The following TMEM120B variants were observed in gnomAD, a reference collection of about 807,000 sequenced individuals.
TMEM120B encodes the protein transmembrane protein 120B.
TMEM120B carries 31 observed loss-of-function variants against 55.5 expected under a neutral mutation model. The ratio of observed to expected loss-of-function variants is 0.56; its 90% confidence interval spans 0.42 to 0.75. The LOEUF (loss-of-function observed/expected upper bound fraction) is 0.75, where lower values mean the gene tolerates loss of function less well. Among genes scored for constraint, TMEM120B ranks in the 30% least tolerant of loss-of-function variants. TMEM120B has a pLI of 0.00. For missense variants in TMEM120B, 399 were observed against 425.5 expected (o/e 0.94, Z 0.55); for synonymous variants, 203 against 176.3 (o/e 1.15, Z -1.20).
At chr12:121,756,469 T>G (rs1236915830) in intron 5 of TMEM120B, among the ~76,000 whole-genome samples, 1 of 152,190 alleles carries the variant, frequency 6.6e-6, no homozygotes, top group African/African-American at 2.4e-5. Context: ...TGACCAGTCC[T>G]AGCTGGTCTC....
At chr12:121,767,830 C>T (rs1474205346) in intron 6 of TMEM120B, among the ~76,000 whole-genome samples, 2 of 152,134 alleles carry the variant, frequency 1.3e-5, no homozygotes, top group African/African-American at 4.8e-5. Flanking sequence ...CTGGGCACGG[C>T]GAGCTGTGAA....
Position 121,779,668 on chromosome 12 carries a change from T to TG in TMEM120B, c.*3952dup, listed in dbSNP as rs1484525434. The TG allele has an allele frequency of 6.2e-7, 1 of 1,613,256 alleles. No homozygotes were observed. The highest frequency in any genetic ancestry group is 8.5e-7 in the Non-Finnish European group (1 of 1,179,696). On this transcript the variant is annotated 3_prime_UTR_variant, in exon 12 of 12. Transcript: ENST00000449592. ...TGTTCGCAGGCGCTCAGGCCCTGGG[T>TG]GGGGGGAGGAGCCAGCATTAGGTGA...
chr12:121,722,162 G>A (rs1169127898), intron 1 of TMEM120B, among the ~76,000 whole-genome samples: 3 of 124,230 alleles, frequency 2.4e-5, no homozygotes, highest in Non-Finnish European at 5.0e-5. Flanking sequence ...ACAGTGGCAC[G>A]ATCTCGGCTC....
At position 121,750,849 on chromosome 12, in the gene TMEM120B, C is replaced by T. The variant is rs115150732; in HGVS notation, c.365+410C>T. 4.3e-3 allele frequency among the ~76,000 whole-genome samples: 573 copies of T among 134,372 alleles called. 15 individuals carry two copies. The highest frequency in any genetic ancestry group is 0.016 in the African/African-American group (549 of 34,862). The allele number at this position is 134,372 out of a possible 152,430, so 88.2% of individuals were successfully genotyped here. A position where few individuals can be genotyped will look rare whatever the true frequency, so the allele number is the denominator to read the frequency against. On this transcript the variant is annotated intron_variant, in intron 4 of 11. Coordinates refer to ENST00000449592, the MANE Select transcript of TMEM120B (RefSeq NM_001080825.2). ...CAACACCACACACCACACTCCACAC[C>T]CCATACCCACACCCCACACCCACAC...
intron 2 of TMEM120B, among the ~76,000 whole-genome samples, chr12:121,746,042 G>T (rs763901292): frequency 6.7e-6 from 1 of 149,306 alleles, no homozygotes; most frequent in Non-Finnish European, 1.5e-5. Flanking sequence ...TATATTTTCA[G>T]TAGAGACAGG....
rs1044342551 is a variant in TMEM120B, at chr12:121,780,094, G to C, written c.*4372G>C. On this transcript the variant is annotated 3_prime_UTR_variant, in exon 12 of 12. Transcript: ENST00000449592. ...ATTTTTGAGATGGAGTTTTGCTCTT[G>C]TTACCCAGGCTGGAGTGCAATGGCG... 6.1e-6 allele frequency: 1 copy of C among 163,616 alleles called. No individual in the cohort carries two copies. Among genetic ancestry groups the C allele is most frequent in the African/African-American group, 2.4e-5 (1 of 41,736 alleles). 10.1% of individuals were successfully genotyped at this position (163,616 alleles called of 1,614,324 possible).
At chr12:121,772,068 T>TC (rs1325923237) in intron 8 of TMEM120B, among the ~76,000 whole-genome samples, 4 of 148,960 alleles carry the variant, frequency 2.7e-5, no homozygotes, top group African/African-American at 1.0e-4. Flanking sequence ...TCTTCCTTTC[T>TC]TTTTCTTTCT....
chr12:121,748,283 C>G (rs1363269924), intron 2 of TMEM120B, 43 bp from the exon 3 acceptor site: 5 of 1,523,984 alleles, frequency 3.3e-6, no homozygotes, highest in Middle Eastern at 1.9e-4. Flanking sequence ...CCTCCTCCCT[C>G]TGAGTGACGC....
chr12:121,764,060 C>T (rs971632699), intron 6 of TMEM120B, among the ~76,000 whole-genome samples: 2 of 151,620 alleles, frequency 1.3e-5, no homozygotes, highest in African/African-American at 2.4e-5. Flanking sequence ...TGGTGGCTCA[C>T]GCCTGTAATC....
intron 5 of TMEM120B, among the ~76,000 whole-genome samples, chr12:121,760,785 AT>A (rs1472590691): frequency 6.6e-6 from 1 of 152,032 alleles, no homozygotes; most frequent in Non-Finnish European, 1.5e-5. Context: ...GTCACCTGAC[AT>A]TCCTGGTTGG....
chr12:121,771,009 G>A (rs1307179954), intron 7 of TMEM120B, 37 bp downstream of exon 7: 8 of 1,608,404 alleles, frequency 5.0e-6, no homozygotes, highest in Non-Finnish European at 6.8e-6. Context: ...CAGCCTCCCA[G>A]GGAGTAGAGC....
At chr12:121,745,753 C>T (rs142015048) in intron 2 of TMEM120B, among the ~76,000 whole-genome samples, 1,620 of 151,178 alleles carry the variant, frequency 0.011, 23 homozygotes, top group African/African-American at 0.037. Flanking sequence ...GGCGCAATCA[C>T]GGCTCACCAC....
At chr12:121,737,085 T>C (rs1237906508) in intron 1 of TMEM120B, among the ~76,000 whole-genome samples, 1 of 152,192 alleles carries the variant, frequency 6.6e-6, no homozygotes. Context: ...TCAGAAGTTA[T>C]GTAGTGTCAA....
intron 1 of TMEM120B, among the ~76,000 whole-genome samples, chr12:121,734,491 C>G (rs1330590403): frequency 2.0e-5 from 3 of 152,068 alleles, no homozygotes; most frequent in Non-Finnish European, 4.4e-5. Context: ...CTCCCGACCT[C>G]AGATGATCCA....
intron 6 of TMEM120B, among the ~76,000 whole-genome samples, chr12:121,769,586 C>G (rs1283180463): frequency 2.0e-5 from 3 of 152,076 alleles, no homozygotes; most frequent in South Asian, 2.1e-4. Context: ...CGCCTGTGAT[C>G]CCAGCTACTC....
intron 1 of TMEM120B, among the ~76,000 whole-genome samples, chr12:121,713,994 G>C (rs1894648444): frequency 6.6e-6 from 1 of 152,140 alleles, no homozygotes; most frequent in African/African-American, 2.4e-5. Flanking sequence ...GGGGAGAGGA[G>C]GTTGCCAAGG....
intron 4 of TMEM120B, 56 bp downstream of exon 4, chr12:121,750,495 C>G: frequency 7.1e-7 from 1 of 1,414,380 alleles, no homozygotes; most frequent in Non-Finnish European, 9.9e-7. Flanking sequence ...CCCACACCCA[C>G]ACCCACACCC....
intron 4 of TMEM120B, among the ~76,000 whole-genome samples, chr12:121,751,612 G>A (rs1873330515): frequency 1.3e-5 from 2 of 151,860 alleles, no homozygotes; most frequent in Non-Finnish European, 2.9e-5. Context: ...GCACCTGGGA[G>A]AGGGTTGGTT....
At chr12:121,733,095 G>A (rs956373519) in intron 1 of TMEM120B, among the ~76,000 whole-genome samples, 2 of 152,014 alleles carry the variant, frequency 1.3e-5, no homozygotes, top group Non-Finnish European at 1.5e-5. Context: ...CAGAGAGGCC[G>A]TGCAAGGATA....
Sources: allele counts gnomAD v4.1 joint callset (sites outside exome capture counted in the v4.1 genomes callset), GRCh38; gene constraint gnomAD v4.1.1; transcripts MANE v1.5; gene names NCBI Gene and HGNC (gene_info 2026-07-23, HGNC 2026-07-21).